FRMD5: variants seen among roughly 807,000 people sequenced by gnomAD.
FRMD5 encodes FERM domain containing 5, also known as FERM domain-containing protein 5.
A neutral mutation model predicts 69.0 loss-of-function variants in FRMD5; 20 were observed. The observed-to-expected ratio is 0.29, with a 90% CI of 0.20 to 0.42. The LOEUF (loss-of-function observed/expected upper bound fraction) is 0.42, where lower values mean the gene tolerates loss of function less well. FRMD5 is among the 10% of genes least tolerant of loss of function. FRMD5 has a pLI of 1.00. For missense variants in FRMD5, 595 were observed against 708.6 expected (o/e 0.84, Z 1.82); for synonymous variants, 271 against 260.1 (o/e 1.04, Z -0.40).
At chr15:43,990,487 T>C (rs1410996015) in intron 1 of FRMD5, among the ~76,000 whole-genome samples, 2 of 152,240 alleles carry the variant, frequency 1.3e-5, no homozygotes, top group Non-Finnish European at 2.9e-5. Context: ...TTATAACCAA[T>C]AGAAATAGAG....
chr15:44,186,900 G>T (rs931637954), intron 1 of FRMD5, among the ~76,000 whole-genome samples: 1 of 152,206 alleles, frequency 6.6e-6, no homozygotes, highest in Non-Finnish European at 1.5e-5. Context: ...GTATAAGGCT[G>T]GGAACTTCGA....
At chr15:43,902,385 C>T in intron 6 of FRMD5, 123 bp from the exon 7 acceptor site, 1 of 818,338 alleles carries the variant, frequency 1.2e-6, no homozygotes, top group East Asian at 2.5e-5. Flanking sequence ...GGGTGTGCTC[C>T]CTGCTTGGTT....
In FRMD5 at chr15:43,873,701, G is replaced by T; in HGVS notation, c.*184C>A. Reference sequence around the variant, plus strand: ...AAAATGAGTTTTCCCAGTTTGTTTAGACAGGGCATGAGCCTATCCCTTTCT... The same window carrying T: ...AAAATGAGTTTTCCCAGTTTGTTTATACAGGGCATGAGCCTATCCCTTTCT... On this transcript the variant is annotated 3_prime_UTR_variant, in exon 14 of 14. Transcript: ENST00000417257. The T allele has an allele frequency of 6.7e-7, 1 of 1,500,564 alleles. No individual in the cohort carries two copies. The allele number at this position is 1,500,564 out of a possible 1,614,324, so 93.0% of individuals were successfully genotyped here.
At chr15:44,016,089 C>A (rs1299572098) in intron 1 of FRMD5, among the ~76,000 whole-genome samples, 2 of 152,186 alleles carry the variant, frequency 1.3e-5, no homozygotes, top group African/African-American at 2.4e-5. Context: ...TGCTTCAAAA[C>A]CCAGCCACTT....
intron 5 of FRMD5, among the ~76,000 whole-genome samples, chr15:43,907,889 C>T (rs953569133): frequency 4.6e-5 from 7 of 152,134 alleles, no homozygotes; most frequent in African/African-American, 1.7e-4. Flanking sequence ...TGATCTTCCA[C>T]CTCGGCCTTC....
At chr15:44,000,244 C>T (rs928431957) in intron 1 of FRMD5, among the ~76,000 whole-genome samples, 97 of 151,980 alleles carry the variant, frequency 6.4e-4, no homozygotes, top group African/African-American at 2.2e-3. Context: ...TGCTCAGTCT[C>T]CCAAAATGCT....
At chr15:44,020,223 T>C (rs1891154884) in intron 1 of FRMD5, among the ~76,000 whole-genome samples, 1 of 152,080 alleles carries the variant, frequency 6.6e-6, no homozygotes, top group African/African-American at 2.4e-5. Flanking sequence ...CATTTCATAA[T>C]ATATCTTAAT....
chr15:44,079,372 CAAAAAAGTAAACAT>C (rs1893903956), intron 1 of FRMD5, among the ~76,000 whole-genome samples: 1 of 152,014 alleles, frequency 6.6e-6, no homozygotes, highest in African/African-American at 2.4e-5. Context: ...AGTGGCTCCT[CAAAAAAGTAAACAT>C]AAAAGTATCA....
intron 1 of FRMD5, among the ~76,000 whole-genome samples, chr15:44,183,235 A>G (rs368943749): frequency 6.0e-5 from 9 of 149,266 alleles, no homozygotes; most frequent in African/African-American, 2.1e-4. Context: ...AAGATGAGAC[A>G]AGACAATGCT....
chr15:44,042,956 G>C (rs983860091), intron 1 of FRMD5, among the ~76,000 whole-genome samples: 1 of 152,210 alleles, frequency 6.6e-6, no homozygotes, highest in Admixed American at 6.5e-5. Context: ...AGAAATAAAG[G>C]GTATTCAATT....
chr15:43,932,118 A>C (rs1266571219), intron 1 of FRMD5, among the ~76,000 whole-genome samples: 2 of 152,224 alleles, frequency 1.3e-5, no homozygotes, highest in Non-Finnish European at 2.9e-5. Flanking sequence ...AATATACATA[A>C]AAACCCTGTG....
intron 5 of FRMD5, among the ~76,000 whole-genome samples, chr15:43,909,034 G>A (rs1266658040): frequency 2.0e-5 from 3 of 152,138 alleles, no homozygotes; most frequent in African/African-American, 4.8e-5. Context: ...GGGGCTGGTA[G>A]TAAGATCTCA....
At chr15:44,013,353 G>C (rs913712093) in intron 1 of FRMD5, among the ~76,000 whole-genome samples, 1 of 152,176 alleles carries the variant, frequency 6.6e-6, no homozygotes, top group African/African-American at 2.4e-5. Context: ...TTACAAAAAA[G>C]ATATATTTCC....
chr15:43,934,606 G>A (rs1476738341), intron 1 of FRMD5, among the ~76,000 whole-genome samples: 1 of 152,194 alleles, frequency 6.6e-6, no homozygotes, highest in Non-Finnish European at 1.5e-5. Flanking sequence ...CCTCTAGCAG[G>A]CCTGACACAG....
At chr15:44,032,888 G>T (rs146725875) in intron 1 of FRMD5, among the ~76,000 whole-genome samples, 1 of 152,006 alleles carries the variant, frequency 6.6e-6, no homozygotes, top group African/African-American at 2.4e-5. Context: ...AAATCATTTT[G>T]CCATAAAGAC....
chr15:43,902,613 C>A (rs1365323387), intron 6 of FRMD5, among the ~76,000 whole-genome samples: 1 of 150,518 alleles, frequency 6.6e-6, no homozygotes, highest in Non-Finnish European at 1.5e-5. Flanking sequence ...TTGCTTGAGC[C>A]CAGGAGTGCG....
rs1173078156 is a variant in FRMD5 at position 43,888,275 on chromosome 15, A to G, written c.793-9T>C. On this transcript the variant is annotated splice_polypyrimidine_tract_variant and intron_variant, in intron 9 of 13. Transcript: ENST00000417257. ...AGAATAATTTTCTTTTCCTGCAAAA[A>G]ATTCCACATTGATATGGCTGAGTGT... The G allele has an allele frequency of 6.3e-7, 1 of 1,594,732 alleles. No homozygotes were observed. The highest frequency in any genetic ancestry group is 8.6e-7 in the Non-Finnish European group (1 of 1,162,522).
chr15:43,896,040 A>G (rs2088903423), intron 7 of FRMD5, among the ~76,000 whole-genome samples: 1 of 152,196 alleles, frequency 6.6e-6, no homozygotes. Context: ...ATCAAGCTGG[A>G]TTCTCTTTCT....
intron 1 of FRMD5, among the ~76,000 whole-genome samples, chr15:43,978,532 G>A (rs961107963): frequency 2.6e-5 from 4 of 152,122 alleles, no homozygotes; most frequent in African/African-American, 9.7e-5. Context: ...TGATTAAGAC[G>A]TACATTTGGT....
Sources: gnomAD v4.1 joint callset for allele counts (sites outside exome capture counted in the v4.1 genomes callset) on GRCh38, gnomAD v4.1.1 for gene constraint, MANE v1.5 for transcripts, NCBI Gene and HGNC (gene_info 2026-07-23, HGNC 2026-07-21) for gene names.